Variants in NUP214 observed in about 807,000 individuals in gnomAD.
The protein encoded by NUP214 is nuclear pore complex protein Nup214.
Under a neutral mutation model 196.2 loss-of-function variants are expected in NUP214, and 79 were observed. The ratio of observed to expected loss-of-function variants is 0.40; its 90% CI spans 0.34 to 0.49. The LOEUF (loss-of-function observed/expected upper bound fraction) is 0.49. NUP214 is among the 20% of genes least tolerant of loss of function. The pLI, the probability that NUP214 is intolerant of heterozygous loss-of-function variation, is 0.58. For synonymous variants in NUP214, 1,020 were observed against 990.5 expected (o/e 1.03, Z -0.56); for missense variants, 2,468 against 2,539.0 (o/e 0.97, Z 0.60).
intron 30 of NUP214, among the ~76,000 whole-genome samples, chr9:131,209,857 A>G (rs966168369): frequency 2.0e-5 from 3 of 152,154 alleles, no homozygotes; most frequent in African/African-American, 7.2e-5. Flanking sequence ...GAAAGAACTC[A>G]CAGGGTCTTA....
chr9:131,158,466 C>T (rs1832526135), intron 17 of NUP214, among the ~76,000 whole-genome samples: 1 of 152,066 alleles, frequency 6.6e-6, no homozygotes, highest in African/African-American at 2.4e-5. Flanking sequence ...TTATTGCAGG[C>T]CTATAATAAG....
intron 26 of NUP214, chr9:131,190,441 C>CT (rs1238538858): frequency 8.7e-6 from 6 of 692,170 alleles, no homozygotes; most frequent in Admixed American, 2.1e-5. Context: ...GAAATCCTCT[C>CT]TTTTGTTACG....
In NUP214 at chr9:131,163,096, T is replaced by G. The variant is rs35631340; in HGVS notation, c.2646T>G (p.Leu882=). The change falls in exon 19 of 36, where the codon CTT becomes CTG. Residue 882 remains leucine, a synonymous_variant. Transcript: ENST00000359428. ...RKRLNHLVDS[L]QQLRLYKQTS... is the part of the protein sequence containing the mutation. ...GGCTGAATCACCTGGTGGATAGTCT[T>G]CAGCAGCTCCGCCTTTACAAACAGA... 2,400 of 1,614,200 alleles carry G rather than the reference T, an allele frequency of 1.5e-3. 20 individuals carry two copies. In the African/African-American group the frequency reaches 0.026, roughly 17 times the overall value.
chr9:131,161,010 C>G (rs575657324), intron 18 of NUP214, among the ~76,000 whole-genome samples: 22 of 152,366 alleles, frequency 1.4e-4, no homozygotes, highest in African/African-American at 5.3e-4. Context: ...TGGGTACATT[C>G]TGCTCTGCTC....
In NUP214 at chr9:131,232,009, G is replaced by A. The variant is rs1834892979; in HGVS notation, c.6215-275G>A. On this transcript the variant is annotated intron_variant, in intron 34 of 35. Transcript: ENST00000359428. This position sits in a 1 kb window ranked among gnomAD's most constrained non-coding sequence, Gnocchi z 5.1. Reference sequence around the variant, plus strand: ...AGCCAGAGACCCTCTGCCTACAGCTGGGGCCGAGGAGGGAGGAAGAACCCT... The same window carrying A: ...AGCCAGAGACCCTCTGCCTACAGCTAGGGCCGAGGAGGGAGGAAGAACCCT... 6.6e-6 allele frequency among the ~76,000 whole-genome samples: 1 copy of A among 151,874 alleles called. No individual in the cohort carries two copies. Among genetic ancestry groups the A allele is most frequent in the Admixed American group, 6.6e-5 (1 of 15,248 alleles).
intron 35 of NUP214, among the ~76,000 whole-genome samples, chr9:131,233,216 G>A (rs986914154): frequency 2.6e-5 from 4 of 152,052 alleles, no homozygotes; most frequent in Admixed American, 6.5e-5. Context: ...GTGCATGCCT[G>A]TAATCCCAGC....
intron 30 of NUP214, among the ~76,000 whole-genome samples, chr9:131,213,965 C>T (rs1422419519): frequency 6.6e-6 from 1 of 152,110 alleles, no homozygotes; most frequent in Non-Finnish European, 1.5e-5. Flanking sequence ...TCATGTTGGG[C>T]CTTCTAGAAT....
At chr9:131,160,039 G>T (rs993320783) in intron 18 of NUP214, among the ~76,000 whole-genome samples, 1 of 151,966 alleles carries the variant, frequency 6.6e-6, no homozygotes, top group East Asian at 1.9e-4. Flanking sequence ...ATTATCTAAA[G>T]GTACAGGAGT....
At chr9:131,209,613 C>T (rs545569543) in intron 30 of NUP214, among the ~76,000 whole-genome samples, 9 of 152,174 alleles carry the variant, frequency 5.9e-5, no homozygotes, top group African/African-American at 1.7e-4. Flanking sequence ...AGGCTGGTCT[C>T]GAACTCCTCA....
intron 17 of NUP214, among the ~76,000 whole-genome samples, chr9:131,158,523 T>A (rs1447828616): frequency 6.6e-6 from 1 of 152,280 alleles, no homozygotes; most frequent in East Asian, 1.9e-4. Context: ...TTTTTAGTGC[T>A]GATAGTGTTC....
intron 33 of NUP214, chr9:131,229,686 C>T (rs768996600): frequency 1.2e-5 from 6 of 517,798 alleles, no homozygotes; most frequent in Middle Eastern, 3.2e-4. Context: ...AGCCTGTCTC[C>T]GACCCTGAAG....
At chr9:131,145,890 T>A (rs1387308496) in intron 12 of NUP214, among the ~76,000 whole-genome samples, 1 of 152,246 alleles carries the variant, frequency 6.6e-6, no homozygotes, top group African/African-American at 2.4e-5. Context: ...AACTTAGTTT[T>A]GATATTTCCC....
At position 131,125,893 on chromosome 9, in the gene NUP214, C is replaced by G; in HGVS notation, c.45+144C>G. On this transcript the variant is annotated intron_variant, in intron 1 of 35. Transcript: ENST00000359428. This position sits in a 1 kb window ranked among gnomAD's most constrained non-coding sequence, Gnocchi z 4.1. ...TCACAGCTCTCACCAGCGCGTCTGC[C>G]GCGCCGCTGGCGTGATAGCCCCACC... 2 of 1,003,762 alleles carry G rather than the reference C, an allele frequency of 2.0e-6. No homozygotes were observed. The highest frequency in any genetic ancestry group is 3.0e-6 in the Non-Finnish European group (2 of 675,436). 62.2% of individuals were successfully genotyped at this position (1,003,762 alleles called of 1,614,324 possible). A position where few individuals can be genotyped will look rare whatever the true frequency, so the allele number is the denominator to read the frequency against.
In NUP214 at chr9:131,132,605, GA is replaced by G. The variant is rs771913112; in HGVS notation, c.681del (p.Val228SerfsTer29). 1.9e-6 allele frequency: 3 copies of G among 1,612,582 alleles called. No individual in the cohort carries two copies. Among genetic ancestry groups the G allele is most frequent in the Non-Finnish European group, 2.5e-6 (3 of 1,179,156 alleles). ...TCCAAATCTCTTTCAGACTTTGCAG[GA>G]AAAAAAAGTCATTCCTTGTCCTCCG... Reference protein sequence around the residue: ...TVVQYLPTLQEKKVIPCPPFY... With the variant: ...TVVQYLPTLQXKKVIPCPPFY... On this transcript the variant is annotated frameshift_variant, in exon 6 of 36. Coordinates refer to ENST00000359428, the MANE Select transcript of NUP214 (RefSeq NM_005085.4). LOFTEE classifies it high-confidence loss of function.
Position 131,197,501 on chromosome 9 carries a change from G to A in NUP214, c.4007G>A (p.Gly1336Glu). Residue 1336 changes from glycine to glutamate, a missense_variant, in exon 29 of 36, where the codon GGA becomes GAA. By Grantham distance (98) the Gly-to-Glu change is moderately conservative. Coordinates refer to ENST00000359428, the MANE Select transcript of NUP214 (RefSeq NM_005085.4). ...LAGETLGSFS[G>E]LRVGQADDST... ...GGAGAGACTCTGGGAAGTTTTTCAG[G>A]ACTGCGGGTTGGCCAAGCAGATGAT... The A allele has an allele frequency of 6.2e-7, 1 of 1,614,130 alleles. No individual in the cohort carries two copies. Among genetic ancestry groups the A allele is most frequent in the Non-Finnish European group, 8.5e-7 (1 of 1,180,012 alleles).
intron 24 of NUP214, among the ~76,000 whole-genome samples, chr9:131,184,611 C>T (rs1833398280): frequency 6.6e-6 from 1 of 152,160 alleles, no homozygotes; most frequent in South Asian, 2.1e-4. Flanking sequence ...GCTGGGATTA[C>T]AGGCGTGAGA....
intron 23 of NUP214, 132 bp downstream of exon 23, chr9:131,175,753 C>A: frequency 7.7e-7 from 1 of 1,298,714 alleles, no homozygotes; most frequent in Non-Finnish European, 1.0e-6. Context: ...ATGTGACAGC[C>A]CTCTCCCCTT....
chr9:131,146,461 C>T lies in NUP214; in HGVS notation c.1945+157C>T, dbSNP rs1475992420. Among the ~76,000 whole-genome samples, 1 of 152,214 alleles carries T rather than the reference C, an allele frequency of 6.6e-6. No individual in the cohort carries two copies. Among genetic ancestry groups the T allele is most frequent in the African/African-American group, 2.4e-5 (1 of 41,466 alleles). ...ATTAATGTGCTGTGATTTTCATACT[C>T]TGAATTGGGAGATTTGCTCTTGCTT... On this transcript the variant is annotated intron_variant, in intron 13 of 35. Transcript: ENST00000359428. The surrounding 1 kb of genome is among the most constrained non-coding windows in gnomAD (Gnocchi z 4.6).
intron 13 of NUP214, among the ~76,000 whole-genome samples, chr9:131,147,149 G>A (rs955900391): frequency 6.6e-6 from 1 of 151,824 alleles, no homozygotes; most frequent in African/African-American, 2.4e-5. Context: ...ACCACCGTCG[G>A]CTAATTTTTA....
Sources: allele counts gnomAD v4.1 joint callset (sites outside exome capture counted in the v4.1 genomes callset), GRCh38; gene constraint gnomAD v4.1.1; non-coding constraint Gnocchi (gnomAD v3.1); transcripts MANE v1.5; gene names NCBI Gene and HGNC (gene_info 2026-07-23, HGNC 2026-07-21).